The following FGD6 variants were observed in gnomAD, a reference collection of about 807,000 sequenced individuals.
The protein encoded by FGD6 is FYVE, RhoGEF and PH domain-containing protein 6.
FGD6 carries 90 observed loss-of-function variants against 149.4 expected under a neutral mutation model. The observed-to-expected ratio is 0.60, with a 90% CI of 0.51 to 0.72. FGD6 has a LOEUF of 0.72. Among genes scored for constraint, FGD6 ranks in the 30% least tolerant of loss-of-function variants. The probability of loss-of-function intolerance (pLI) is 0.00; values close to 1 mark genes in which losing one functional copy is unlikely to be tolerated. For missense variants in FGD6, 1,437 were observed against 1,684.8 expected, an observed-to-expected ratio of 0.85 and a Z score of 2.57; for synonymous variants, 527 against 584.0, an observed-to-expected ratio of 0.90 and a Z score of 1.41.
intron 5 of FGD6, among the ~76,000 whole-genome samples, chr12:95,144,513 C>G (rs1178371882): frequency 6.6e-6 from 1 of 151,790 alleles, no homozygotes; most frequent in Admixed American, 6.6e-5. Context: ...CTGCCTCAGC[C>G]TCTTGAGTAG....
At chr12:95,136,230 T>C (rs773476454) in intron 7 of FGD6, among the ~76,000 whole-genome samples, 2 of 151,948 alleles carry the variant, frequency 1.3e-5, no homozygotes, top group Admixed American at 6.6e-5. Context: ...TGGTGGCACA[T>C]GCCTGAAATC....
rs751348085 is a variant in FGD6, at chr12:95,137,514, G to A, written c.2994+8C>T. On this transcript the variant is annotated splice_region_variant and intron_variant, in intron 7 of 20. Coordinates refer to ENST00000343958, the MANE Select transcript of FGD6 (RefSeq NM_018351.4). ...GAGAAGTGTTCAACATTAGATAGTA[G>A]CAAATACCTCAAATTCTCTAACAAC... 2 of 1,562,394 alleles carry A rather than the reference G, an allele frequency of 1.3e-6. No homozygotes were observed. The highest frequency in any genetic ancestry group is 8.7e-7 in the Non-Finnish European group (1 of 1,154,446).
intron 2 of FGD6, among the ~76,000 whole-genome samples, chr12:95,197,019 C>CA (rs1881751510): frequency 6.6e-6 from 1 of 152,192 alleles, no homozygotes; most frequent in African/African-American, 2.4e-5. Context: ...TTTTGGGAGA[C>CA]AGGGTCAGTG....
intron 2 of FGD6, among the ~76,000 whole-genome samples, chr12:95,198,146 A>G (rs1881776945): frequency 6.6e-6 from 1 of 152,218 alleles, no homozygotes; most frequent in South Asian, 2.1e-4. Context: ...AATAATAAAA[A>G]ATAAAATAAT....
chr12:95,106,141 A>G (rs893573569), intron 13 of FGD6, among the ~76,000 whole-genome samples: 6 of 152,096 alleles, frequency 3.9e-5, no homozygotes, highest in Non-Finnish European at 7.3e-5. Flanking sequence ...TATTATTTTT[A>G]ATAGAGATGG....
At chr12:95,157,859 T>C (rs1201362499) in intron 3 of FGD6, among the ~76,000 whole-genome samples, 1 of 152,134 alleles carries the variant, frequency 6.6e-6, no homozygotes, top group East Asian at 1.9e-4. Context: ...TCACTCACTT[T>C]TTGTTTTGAG....
At chr12:95,147,188 A>G (rs549798400) in intron 5 of FGD6, among the ~76,000 whole-genome samples, 1 of 152,350 alleles carries the variant, frequency 6.6e-6, no homozygotes, top group East Asian at 1.9e-4. Flanking sequence ...TCAAAGTGCT[A>G]TGATAAATAT....
intron 2 of FGD6, among the ~76,000 whole-genome samples, chr12:95,178,628 G>C (rs1881197070): frequency 6.6e-6 from 1 of 152,012 alleles, no homozygotes; most frequent in Admixed American, 6.6e-5. Context: ...CTCTTCGAGA[G>C]GTTGCTTGAT....
At chr12:95,126,676 A>T (rs1351060838) in intron 8 of FGD6, among the ~76,000 whole-genome samples, 6 of 151,178 alleles carry the variant, frequency 4.0e-5, no homozygotes, top group Admixed American at 1.3e-4. Flanking sequence ...GGTTGTAGTG[A>T]GCCGAGATCA....
At chr12:95,121,538 A>G (rs918307790) in intron 8 of FGD6, among the ~76,000 whole-genome samples, 9 of 148,480 alleles carry the variant, frequency 6.1e-5, no homozygotes, top group East Asian at 3.9e-4. Context: ...CTACAAAACT[A>G]TCTTTCATCC....
In FGD6 at chr12:95,108,555, A is replaced by G. The variant is rs759264303; in HGVS notation, c.3140T>C (p.Leu1047Pro). 6.2e-7 allele frequency: 1 copy of G among 1,614,052 alleles called. No homozygotes were observed. Among genetic ancestry groups the G allele is most frequent in the Non-Finnish European group, 8.5e-7 (1 of 1,179,904 alleles). Reference protein sequence around the residue: ...AGDYRDTQDALAVVIEVANHA... With the variant: ...AGDYRDTQDAPAVVIEVANHA... ...GTTGGCTACCTCTATAACAACAGCA[A>G]GGGCATCTGAAATAGGCAGGAACAA... The change falls in exon 10 of 21, where the codon CTT becomes CCT. Residue 1047 changes from leucine (L) to proline (P), a missense_variant. Physicochemically the swap from Leu to Pro is moderately conservative, Grantham distance 98 (BLOSUM62 -3). Around this residue, in one of 2 missense-constraint regions of FGD6, gnomAD observed 382 missense variants for 538.7 expected, o/e 0.71. Coordinates refer to ENST00000343958, the MANE Select transcript of FGD6 (RefSeq NM_018351.4).
intron 2 of FGD6, among the ~76,000 whole-genome samples, chr12:95,183,020 G>A (rs1470482650): frequency 1.3e-5 from 2 of 152,222 alleles, no homozygotes; most frequent in South Asian, 2.1e-4. Flanking sequence ...TGACTACTCC[G>A]CCTGGCCACG....
chr12:95,133,342 T>C (rs956760649), intron 8 of FGD6, among the ~76,000 whole-genome samples: 5 of 152,112 alleles, frequency 3.3e-5, no homozygotes, highest in African/African-American at 1.2e-4. Flanking sequence ...CGCTTGAACC[T>C]GGGAGATGGA....
intron 8 of FGD6, chr12:95,116,958 A>T (rs1222659691): frequency 8.8e-6 from 4 of 455,600 alleles, no homozygotes; most frequent in Non-Finnish European, 1.8e-5. Flanking sequence ...GGAAACCAGT[A>T]GCTGCCCCAG....
chr12:95,141,337 T>C (rs747210859), intron 6 of FGD6, 51 bp downstream of exon 6: 1 of 1,590,956 alleles, frequency 6.3e-7, no homozygotes, highest in Non-Finnish European at 8.6e-7. Context: ...CCCTTATGGC[T>C]TCATCTAAAA....
At chr12:95,156,508 T>A (rs1031249982) in intron 3 of FGD6, among the ~76,000 whole-genome samples, 2 of 152,178 alleles carry the variant, frequency 1.3e-5, no homozygotes, top group Admixed American at 1.3e-4. Context: ...TGTCTCCTGA[T>A]AAGATGTTAT....
At chr12:95,107,864 G>T (rs1221721352) in intron 11 of FGD6, among the ~76,000 whole-genome samples, 1 of 152,108 alleles carries the variant, frequency 6.6e-6, no homozygotes, top group Non-Finnish European at 1.5e-5. Flanking sequence ...ACTGTATGGA[G>T]GCACATGTAA....
At chr12:95,096,922 G>A (rs769745812) in intron 14 of FGD6, among the ~76,000 whole-genome samples, 1 of 152,104 alleles carries the variant, frequency 6.6e-6, no homozygotes, top group African/African-American at 2.4e-5. Context: ...TCCCTCCCCG[G>A]CTCCTCACCA....
chr12:95,165,336 C>T (rs1421484267), intron 3 of FGD6, among the ~76,000 whole-genome samples: 27 of 141,840 alleles, frequency 1.9e-4, no homozygotes, highest in African/African-American at 6.9e-4. Flanking sequence ...TTCTTTTTTT[C>T]TTTTTTTTTT....
Sources: allele counts gnomAD v4.1 joint callset (sites outside exome capture counted in the v4.1 genomes callset), GRCh38; gene constraint gnomAD v4.1.1; regional missense constraint gnomAD v4.1.1; transcripts MANE v1.5; gene names NCBI Gene and HGNC (gene_info 2026-07-23, HGNC 2026-07-21).